ALG14: variants seen among roughly 807,000 people sequenced by gnomAD.
ALG14 encodes the protein ALG14 UDP-N-acetylglucosaminyltransferase subunit.
In ALG14, 17 loss-of-function variants were observed where a neutral mutation model predicts 22.8. The observed-to-expected ratio is 0.75, with a 90% CI of 0.51 to 1.12. The LOEUF is 1.12. Ranked by LOEUF, ALG14 falls within the 50% of genes most tolerant of loss-of-function variation. The probability of loss-of-function intolerance (pLI) is 0.00; values close to 1 mark genes in which losing one functional copy is unlikely to be tolerated. For synonymous variants in ALG14, 89 were observed against 103.7 expected, an observed-to-expected ratio of 0.86 and a Z score of 0.86; for missense variants, 288 against 271.8, an observed-to-expected ratio of 1.06 and a Z score of -0.42.
intron 3 of ALG14, among the ~76,000 whole-genome samples, chr1:94,999,593 G>A (rs555507392): frequency 5.9e-5 from 9 of 152,074 alleles, no homozygotes; most frequent in Non-Finnish European, 1.3e-4. Flanking sequence ...ATTTTAACCT[G>A]CCAGGGGATT....
intron 1 of ALG14, 103 bp downstream of exon 1, chr1:95,072,660 A>C (rs1253885210): frequency 1.4e-6 from 2 of 1,480,634 alleles, no homozygotes; most frequent in Admixed American, 4.0e-5. Context: ...CTCTGCATGC[A>C]ACACTCCAAG....
At chr1:95,064,747 A>G (rs1675295332) in intron 2 of ALG14, 119 bp downstream of exon 2, 1 of 789,750 alleles carries the variant, frequency 1.3e-6, no homozygotes, top group Admixed American at 2.8e-5. Flanking sequence ...TTTCATCACC[A>G]GCAAACATTT....
chr1:95,057,537 C>T (rs1164845538), intron 2 of ALG14, among the ~76,000 whole-genome samples: 2 of 151,220 alleles, frequency 1.3e-5, no homozygotes, highest in Middle Eastern at 3.2e-3. Flanking sequence ...TGAGCATCTG[C>T]GGATTTTGGC....
chr1:94,999,037 C>A (rs1275775427), intron 3 of ALG14, among the ~76,000 whole-genome samples: 1 of 152,086 alleles, frequency 6.6e-6, no homozygotes, highest in African/African-American at 2.4e-5. Context: ...TCTCTCAGAA[C>A]AAACACAGGT....
rs190057996 is a variant in ALG14, at chr1:95,071,720, G to A, written c.136+1043C>T. The stretch of plus-strand genomic sequence containing the variant: ...GCTGTCCCTCATCTGACTAATTCTG[G>A]GTCATCTTTCAAGTTTCAGTTTAGC... On this transcript the variant is annotated intron_variant, in intron 1 of 3. Transcript: ENST00000370205. Among the ~76,000 whole-genome samples, 232 of 152,144 alleles carry A rather than the reference G, an allele frequency of 1.5e-3. 1 individual carries two copies. Among genetic ancestry groups the A allele is most frequent in the African/African-American group, 5.5e-3 (227 of 41,508 alleles).
At chr1:95,028,191 C>T (rs894174185) in intron 2 of ALG14, among the ~76,000 whole-genome samples, 1 of 152,094 alleles carries the variant, frequency 6.6e-6, no homozygotes, top group Non-Finnish European at 1.5e-5. Context: ...CTCTGTTGCT[C>T]AGGCTGGAGT....
In ALG14 at chr1:95,027,151, AT is replaced by A; in HGVS notation, c.397del (p.Ile133PhefsTer4). On this transcript the variant is annotated frameshift_variant, in exon 3 of 4. Coordinates refer to ENST00000370205, the MANE Select transcript of ALG14 (RefSeq NM_144988.4). LOFTEE classifies it high-confidence loss of function. Reference protein sequence around the residue: ...LHSMWLSFPLIHRVKPDLVLC... With the variant: ...LHSMWLSFPLXHRVKPDLVLC... ...TACCAAATCTGGCTTCACCCTGTGA[AT>A]TAGGGGAAAGGAGAGCCACATGGAG... The A allele has an allele frequency of 6.2e-7, 1 of 1,614,082 alleles. No homozygotes were observed. Among genetic ancestry groups the A allele is most frequent in the South Asian group, 1.1e-5 (1 of 91,076 alleles).
In ALG14 at chr1:95,068,348, G is replaced by A. The variant is rs185954976; in HGVS notation, c.137-3331C>T. Among the ~76,000 whole-genome samples the A allele has an allele frequency of 3.2e-4, 48 of 152,220 alleles. No individual in the cohort carries two copies. The East Asian group carries it at 7.4e-3, about 23-fold the overall frequency. Reference sequence around the variant, plus strand: ...TGGAGTCTTGCTCTGTTGCCCAGGCGTGATCTCGGCTCACGGCAACCTCTG... The same window carrying A: ...TGGAGTCTTGCTCTGTTGCCCAGGCATGATCTCGGCTCACGGCAACCTCTG... On this transcript the variant is annotated intron_variant, in intron 1 of 3. Transcript: ENST00000370205.
chr1:95,000,549 A>AG, intron 3 of ALG14, among the ~76,000 whole-genome samples: 1 of 150,746 alleles, frequency 6.6e-6, no homozygotes. Flanking sequence ...AAAAAAAAAA[A>AG]AAAAAAAAAA....
At chr1:94,996,646 G>A (rs554232359) in intron 3 of ALG14, among the ~76,000 whole-genome samples, 1 of 152,282 alleles carries the variant, frequency 6.6e-6, no homozygotes, top group South Asian at 2.1e-4. Context: ...CAAAGGACTA[G>A]AAGTTAGTTC....
intron 3 of ALG14, among the ~76,000 whole-genome samples, chr1:94,993,164 T>C (rs571372643): frequency 2.7e-4 from 40 of 149,330 alleles, no homozygotes; most frequent in Non-Finnish European, 4.7e-4. Flanking sequence ...TCCAGTCTTA[T>C]ATATCACTTG....
chr1:95,001,249 T>C (rs577319420), intron 3 of ALG14, among the ~76,000 whole-genome samples: 2 of 152,216 alleles, frequency 1.3e-5, no homozygotes, highest in Non-Finnish European at 2.9e-5. Context: ...GGAGGACAGA[T>C]TGAGGATGCT....
At chr1:95,051,635 T>C (rs1236719530) in intron 2 of ALG14, among the ~76,000 whole-genome samples, 1 of 152,174 alleles carries the variant, frequency 6.6e-6, no homozygotes, top group African/African-American at 2.4e-5. Flanking sequence ...ATCCTTACCT[T>C]AACCTCTATG....
intron 3 of ALG14, among the ~76,000 whole-genome samples, chr1:95,012,314 T>C (rs961132312): frequency 6.6e-6 from 1 of 152,274 alleles, no homozygotes; most frequent in African/African-American, 2.4e-5. Context: ...TATGAACTTC[T>C]ACTAAATATC....
At chr1:95,057,137 TATATATATATAAATAA>T (rs1674963145) in intron 2 of ALG14, among the ~76,000 whole-genome samples, 1 of 150,828 alleles carries the variant, frequency 6.6e-6, no homozygotes, top group African/African-American at 2.4e-5. Context: ...TATACCGTTT[TATATATATATAAATAA>T]ATATATATAT....
In ALG14 at chr1:95,036,702, A is replaced by C. The variant is rs540150455; in HGVS notation, c.289-9442T>G. ...TCGACCTCCCAAAGTGCTGGGATTAAGGGCGTGAGCCACCGCGCCTGGCCC... is the reference window on the plus strand; with the variant it reads ...TCGACCTCCCAAAGTGCTGGGATTACGGGCGTGAGCCACCGCGCCTGGCCC... On this transcript the variant is annotated intron_variant, in intron 2 of 3. Transcript: ENST00000370205. Among the ~76,000 whole-genome samples the C allele has an allele frequency of 1.8e-4, 28 of 151,952 alleles. No homozygotes were observed. In the South Asian group the frequency reaches 4.6e-3, roughly 25 times the overall value.
At position 94,983,099 on chromosome 1, in the gene ALG14, C is replaced by T. The variant is rs996262392; in HGVS notation, c.628G>A (p.Val210Met). 6.2e-7 allele frequency: 1 copy of T among 1,613,994 alleles called. No homozygotes were observed. Among genetic ancestry groups the T allele is most frequent in the Non-Finnish European group, 8.5e-7 (1 of 1,180,012 alleles). ...TGTCAAACAATTCGCCCAAGGTACA[C>T]CGATTTGGGATACTTTTCTTTCAGA... ...PALKEKYPKSVYLGRIV is the reference protein window; with the variant it reads ...PALKEKYPKSMYLGRIV The change falls in exon 4 of 4, where the codon GTG (valine) becomes ATG (methionine). Residue 210 changes from valine to methionine, a missense_variant. Val to Met is a conservative substitution (Grantham distance 21). Coordinates refer to ENST00000370205, the MANE Select transcript of ALG14 (RefSeq NM_144988.4).
intron 3 of ALG14, among the ~76,000 whole-genome samples, chr1:94,996,796 C>T (rs1417045183): frequency 6.6e-6 from 1 of 152,170 alleles, no homozygotes; most frequent in Non-Finnish European, 1.5e-5. Flanking sequence ...ATTCTCCTGC[C>T]TCAGCCTCTT....
intron 3 of ALG14, among the ~76,000 whole-genome samples, chr1:95,000,901 G>A (rs1557946131): frequency 6.6e-6 from 1 of 152,128 alleles, no homozygotes; most frequent in Non-Finnish European, 1.5e-5. Flanking sequence ...TTCCACCTCA[G>A]GCTGCGCCTG....
Sources: gnomAD v4.1 joint callset for allele counts (sites outside exome capture counted in the v4.1 genomes callset) on GRCh38, gnomAD v4.1.1 for gene constraint, MANE v1.5 for transcripts, NCBI Gene and HGNC (gene_info 2026-07-23, HGNC 2026-07-21) for gene names.